Variants in ZMIZ1 observed in about 807,000 individuals in gnomAD.
ZMIZ1 encodes the protein zinc finger MIZ domain-containing protein 1.
A neutral mutation model predicts 113.9 loss-of-function variants in ZMIZ1; 17 were observed. That is an observed-to-expected ratio of 0.15 (90% CI 0.10 to 0.22). The LOEUF (loss-of-function observed/expected upper bound fraction) is 0.22. Among genes scored for constraint, ZMIZ1 ranks in the 10% least tolerant of loss-of-function variants. ZMIZ1 has a pLI of 1.00. For missense variants in ZMIZ1, 1,059 were observed against 1,477.8 expected (o/e 0.72, Z 4.65); for synonymous variants, 607 against 603.1 (o/e 1.01, Z -0.09).
At chr10:79,124,648 G>C (rs938813673) in intron 2 of ZMIZ1, among the ~76,000 whole-genome samples, 4 of 152,222 alleles carry the variant, frequency 2.6e-5, no homozygotes, top group Non-Finnish European at 5.9e-5. Flanking sequence ...CCAGTGCAGG[G>C]TTGCTAGGTA....
chr10:79,093,758 A>G (rs1240625962), intron 1 of ZMIZ1, among the ~76,000 whole-genome samples: 2 of 152,098 alleles, frequency 1.3e-5, no homozygotes, highest in Non-Finnish European at 2.9e-5. Context: ...TACCCTATGC[A>G]CACCCTCCCA....
At chr10:79,236,575 C>T (rs2132807839) in intron 7 of ZMIZ1, among the ~76,000 whole-genome samples, 1 of 152,264 alleles carries the variant, frequency 6.6e-6, no homozygotes, top group South Asian at 2.1e-4. Flanking sequence ...ACCTGGGTGG[C>T]GCGCTCCCCA....
chr10:79,072,640 T>G (rs1842329533), intron 1 of ZMIZ1, among the ~76,000 whole-genome samples: 1 of 152,212 alleles, frequency 6.6e-6, no homozygotes, highest in South Asian at 2.1e-4. Context: ...TTCCAGAAGC[T>G]TCTGTAGGCA....
At chr10:79,289,627 G>C (rs1853328437) in intron 8 of ZMIZ1, 148 bp from the exon 9 acceptor site, 1 of 663,204 alleles carries the variant, frequency 1.5e-6, no homozygotes. Context: ...TGGGCACTGA[G>C]ACAGGCCTGG....
At chr10:79,081,921 A>G (rs147191637) in intron 1 of ZMIZ1, among the ~76,000 whole-genome samples, 1,813 of 152,328 alleles carry the variant, frequency 0.012, 35 homozygotes, top group African/African-American at 0.042. Flanking sequence ...CCTGGAGACC[A>G]TCCAGGCCAA....
intron 17 of ZMIZ1, among the ~76,000 whole-genome samples, chr10:79,301,481 G>T (rs889932996): frequency 6.6e-6 from 1 of 152,070 alleles, no homozygotes; most frequent in African/African-American, 2.4e-5. Context: ...GTCCCCTGAA[G>T]ATCAGGGCCC....
intron 2 of ZMIZ1, among the ~76,000 whole-genome samples, chr10:79,135,219 C>T (rs1844950904): frequency 6.6e-6 from 1 of 152,198 alleles, no homozygotes; most frequent in African/African-American, 2.4e-5. Flanking sequence ...TCTGAGAAGA[C>T]CAGGTCAGGA....
At chr10:79,250,975 A>G (rs1850517201) in intron 7 of ZMIZ1, among the ~76,000 whole-genome samples, 1 of 152,128 alleles carries the variant, frequency 6.6e-6, no homozygotes, top group African/African-American at 2.4e-5. Flanking sequence ...CATCCTGGGG[A>G]ACAGACCACG....
intron 4 of ZMIZ1, among the ~76,000 whole-genome samples, chr10:79,199,947 ACAGG>A (rs1413782636): frequency 2.6e-5 from 4 of 152,214 alleles, no homozygotes; most frequent in African/African-American, 9.7e-5. Context: ...TAGAAGGCAG[ACAGG>A]CAGACAGGCA....
chr10:79,230,410 C>A (rs1849349138), intron 7 of ZMIZ1, among the ~76,000 whole-genome samples: 1 of 152,222 alleles, frequency 6.6e-6, no homozygotes, highest in Non-Finnish European at 1.5e-5. Flanking sequence ...TTGTTTAGCT[C>A]TGCCCCCTCC....
At chr10:79,202,980 G>A (rs1848164614) in intron 5 of ZMIZ1, among the ~76,000 whole-genome samples, 1 of 152,252 alleles carries the variant, frequency 6.6e-6, no homozygotes, top group Non-Finnish European at 1.5e-5. Context: ...GATGTTGTGG[G>A]TGATGCACGT....
intron 7 of ZMIZ1, among the ~76,000 whole-genome samples, chr10:79,236,497 G>A (rs1849595175): frequency 6.6e-6 from 1 of 152,168 alleles, no homozygotes; most frequent in African/African-American, 2.4e-5. Flanking sequence ...ACGGACATTC[G>A]AGCTGCCGTT....
chr10:79,150,827 C>G (rs1285736981), intron 3 of ZMIZ1, among the ~76,000 whole-genome samples: 1 of 152,082 alleles, frequency 6.6e-6, no homozygotes, highest in Non-Finnish European at 1.5e-5. Context: ...CGTCTCTCAG[C>G]TCTGCTCAGG....
At chr10:79,167,074 C>A (rs1241677424) in intron 4 of ZMIZ1, among the ~76,000 whole-genome samples, 1 of 152,210 alleles carries the variant, frequency 6.6e-6, no homozygotes, top group Non-Finnish European at 1.5e-5. Context: ...TTTCTATGGG[C>A]TGCCTCATGG....
intron 7 of ZMIZ1, among the ~76,000 whole-genome samples, chr10:79,261,610 A>G (rs900997086): frequency 6.6e-5 from 10 of 152,286 alleles, no homozygotes; most frequent in Admixed American, 2.0e-4. Context: ...TTCAGTTCTT[A>G]CAGCCACTCT....
chr10:79,131,537 T>A (rs1477787911), intron 2 of ZMIZ1, among the ~76,000 whole-genome samples: 2 of 152,180 alleles, frequency 1.3e-5, no homozygotes, highest in Non-Finnish European at 2.9e-5. Context: ...GTCCTAATGA[T>A]GAGTTTGCAG....
At chr10:79,092,927 C>T (rs1190815459) in intron 1 of ZMIZ1, among the ~76,000 whole-genome samples, 1 of 151,752 alleles carries the variant, frequency 6.6e-6, no homozygotes, top group Non-Finnish European at 1.5e-5. Context: ...AGTGAGGAGA[C>T]AGTACCGGAA....
intron 5 of ZMIZ1, among the ~76,000 whole-genome samples, chr10:79,203,881 C>T (rs72818206): frequency 0.034 from 5,145 of 152,322 alleles, 139 homozygotes; most frequent in South Asian, 0.057. Context: ...CCTCACCTGC[C>T]CCGGCACACA....
Position 79,310,712 on chromosome 10 carries a change from C to T in ZMIZ1, c.2836-212C>T, listed in dbSNP as rs191442474. On this transcript the variant is annotated intron_variant, in intron 23 of 24. Transcript: ENST00000334512. ...GGCTCCACGTGGCCCGAGAGGTCCC[C>T]GCCGTCCCCCTGCAGCCTCCCTGAT... Among the ~76,000 whole-genome samples, 265 of 152,234 alleles carry T rather than the reference C, an allele frequency of 1.7e-3. 1 individual carries two copies. The highest frequency in any genetic ancestry group is 6.2e-3 in the African/African-American group (259 of 41,528).
Sources: gnomAD v4.1 joint callset for allele counts (sites outside exome capture counted in the v4.1 genomes callset) on GRCh38, gnomAD v4.1.1 for gene constraint, MANE v1.5 for transcripts, NCBI Gene and HGNC (gene_info 2026-07-23, HGNC 2026-07-21) for gene names.